The following ST3GAL1 variants were observed in gnomAD, a reference collection of about 807,000 sequenced individuals.
The protein encoded by ST3GAL1 is ST3 beta-galactoside alpha-2,3-sialyltransferase 1.
ST3GAL1 carries 16 observed loss-of-function variants against 34.1 expected under a neutral mutation model. That is an observed-to-expected ratio of 0.47 (90% CI 0.32 to 0.71). The LOEUF (loss-of-function observed/expected upper bound fraction) is 0.71, where lower values mean the gene tolerates loss of function less well. ST3GAL1 is among the 30% of genes least tolerant of loss of function. The pLI, the probability that ST3GAL1 is intolerant of heterozygous loss-of-function variation, is 0.04. For missense variants in ST3GAL1, 353 were observed against 447.4 expected, an observed-to-expected ratio of 0.79 and a Z score of 1.90; for synonymous variants, 191 against 184.7, an observed-to-expected ratio of 1.03 and a Z score of -0.28.
intron 2 of ST3GAL1, among the ~76,000 whole-genome samples, chr8:133,507,914 C>G (rs959639666): frequency 3.3e-5 from 5 of 152,202 alleles, no homozygotes; most frequent in African/African-American, 1.2e-4. Context: ...CCCTCAGCTG[C>G]TGTGACTATT....
intron 3 of ST3GAL1, among the ~76,000 whole-genome samples, chr8:133,486,703 A>AAGCC: frequency 6.6e-6 from 1 of 152,298 alleles, no homozygotes; most frequent in South Asian, 2.1e-4. Flanking sequence ...GTCTCGAATG[A>AAGCC]AGCCAGCCAG....
chr8:133,566,136 G>C (rs1416796470), intron 1 of ST3GAL1, among the ~76,000 whole-genome samples: 1 of 152,186 alleles, frequency 6.6e-6, no homozygotes, highest in Non-Finnish European at 1.5e-5. Flanking sequence ...ACAGTGCTTT[G>C]GGTGGCTTCT....
intron 2 of ST3GAL1, among the ~76,000 whole-genome samples, chr8:133,512,763 A>G (rs2945748): frequency 0.25 from 38,595 of 152,058 alleles, 5,115 homozygotes; most frequent in African/African-American, 0.3. Context: ...CACTCAGAAA[A>G]CCCTTTGCAA....
chr8:133,562,660 T>C (rs1252120424), intron 1 of ST3GAL1, among the ~76,000 whole-genome samples: 1 of 152,162 alleles, frequency 6.6e-6, no homozygotes, highest in Non-Finnish European at 1.5e-5. Flanking sequence ...TTCTTTGCCC[T>C]TGTTAGGGCT....
chr8:133,571,133 T>C lies in ST3GAL1; in HGVS notation c.-582+560A>G, dbSNP rs912826271. Reference sequence around the variant, plus strand: ...CGGATCTGCGCCTGCTTGCAGCGGATTGGGGGACTCGATCCGGATACTGTC... The same window carrying C: ...CGGATCTGCGCCTGCTTGCAGCGGACTGGGGGACTCGATCCGGATACTGTC... On this transcript the variant is annotated intron_variant, in intron 1 of 9. Coordinates refer to ENST00000522652, the MANE Select transcript of ST3GAL1 (RefSeq NM_173344.3). This position sits in a 1 kb window ranked among gnomAD's most constrained non-coding sequence, Gnocchi z 6.7. 3.9e-5 allele frequency among the ~76,000 whole-genome samples: 6 copies of C among 152,168 alleles called. No individual in the cohort carries two copies. Among genetic ancestry groups the C allele is most frequent in the Non-Finnish European group, 7.4e-5 (5 of 68,022 alleles).
At chr8:133,566,531 C>T (rs1819405319) in intron 1 of ST3GAL1, among the ~76,000 whole-genome samples, 1 of 152,126 alleles carries the variant, frequency 6.6e-6, no homozygotes, top group Non-Finnish European at 1.5e-5. Context: ...CCTGCATCCC[C>T]CGCATTGCAG....
chr8:133,481,658 G>C (rs1291206814), intron 3 of ST3GAL1, among the ~76,000 whole-genome samples: 1 of 152,010 alleles, frequency 6.6e-6, no homozygotes, highest in Non-Finnish European at 1.5e-5. Context: ...ACCATGCCTG[G>C]CTAATTTTTG....
In ST3GAL1 at chr8:133,556,959, G is replaced by A. The variant is rs1193387591; in HGVS notation, c.-581-11033C>T. On this transcript the variant is annotated intron_variant, in intron 1 of 9. Transcript: ENST00000522652. The surrounding 1 kb of genome is among the most constrained non-coding windows in gnomAD (Gnocchi z 8.9). ...CGAGCCTTTTATGATGTGCATGCATGTGTTAGAAGGAAACATTGTGACATG... is the reference window on the plus strand; with the variant it reads ...CGAGCCTTTTATGATGTGCATGCATATGTTAGAAGGAAACATTGTGACATG... Among the ~76,000 whole-genome samples, 2 of 152,180 alleles carry A rather than the reference G, an allele frequency of 1.3e-5. No homozygotes were observed. The highest frequency in any genetic ancestry group is 2.9e-5 in the Non-Finnish European group (2 of 68,028).
chr8:133,506,512 C>T (rs541363150), intron 2 of ST3GAL1, among the ~76,000 whole-genome samples: 70 of 152,264 alleles, frequency 4.6e-4, no homozygotes, highest in African/African-American at 1.5e-3. Flanking sequence ...CGGCTGGGCA[C>T]GGTGGCTCAC....
intron 1 of ST3GAL1, among the ~76,000 whole-genome samples, chr8:133,551,528 G>A (rs1238518959): frequency 7.8e-6 from 1 of 128,478 alleles, no homozygotes; most frequent in African/African-American, 3.2e-5. Flanking sequence ...GAAAGAAAGA[G>A]AAAGAAAGAG....
intron 9 of ST3GAL1, among the ~76,000 whole-genome samples, chr8:133,460,139 A>C (rs1020876948): frequency 4.6e-5 from 7 of 152,104 alleles, no homozygotes; most frequent in Admixed American, 4.6e-4. Flanking sequence ...AGTTAAGTAA[A>C]ACTCAAGTCT....
intron 5 of ST3GAL1, among the ~76,000 whole-genome samples, chr8:133,475,492 A>C (rs1167027283): frequency 2.0e-5 from 3 of 152,178 alleles, no homozygotes; most frequent in African/African-American, 7.2e-5. Flanking sequence ...TGGGACAATA[A>C]TCTGAATCCT....
intron 3 of ST3GAL1, among the ~76,000 whole-genome samples, chr8:133,483,271 G>C (rs1053454843): frequency 1.3e-5 from 2 of 152,188 alleles, no homozygotes; most frequent in Non-Finnish European, 2.9e-5. Flanking sequence ...GAACCTGGGA[G>C]GTGGAGGTTG....
chr8:133,510,612 T>A (rs1817475761), intron 2 of ST3GAL1, among the ~76,000 whole-genome samples: 1 of 152,212 alleles, frequency 6.6e-6, no homozygotes, highest in Non-Finnish European at 1.5e-5. Flanking sequence ...ATTGCATTAA[T>A]TAACTAATTA....
chr8:133,544,176 TAG>T (rs1224374629), intron 2 of ST3GAL1: 2 of 151,684 alleles, frequency 1.3e-5, no homozygotes, highest in Non-Finnish European at 2.9e-5. Flanking sequence ...GTAGGCCATC[TAG>T]AGTCTCTTCT....
intron 3 of ST3GAL1, among the ~76,000 whole-genome samples, chr8:133,492,317 C>T (rs1816810381): frequency 6.6e-6 from 1 of 152,150 alleles, no homozygotes; most frequent in South Asian, 2.1e-4. Flanking sequence ...AGCACTGGGT[C>T]CTGTCCCTAA....
chr8:133,497,456 A>ATTTTTT (rs1159737986), intron 3 of ST3GAL1, among the ~76,000 whole-genome samples: 28 of 20,424 alleles, frequency 1.4e-3, no homozygotes, highest in African/African-American at 6.0e-3. Flanking sequence ...TTTTGTTGGA[A>ATTTTTT]TTTTTTTTTT....
chr8:133,463,288 G>T, intron 8 of ST3GAL1, 126 bp downstream of exon 8: 1 of 1,034,842 alleles, frequency 9.7e-7, no homozygotes, highest in East Asian at 2.4e-5. Flanking sequence ...ATAGCTAAGT[G>T]GGAGATGCTA....
At chr8:133,554,418 C>G (rs1452870933) in intron 1 of ST3GAL1, among the ~76,000 whole-genome samples, 1 of 152,152 alleles carries the variant, frequency 6.6e-6, no homozygotes, top group Non-Finnish European at 1.5e-5. Flanking sequence ...AAATCCTACA[C>G]TCGACAGTGG....
Sources: allele counts gnomAD v4.1 joint callset (sites outside exome capture counted in the v4.1 genomes callset), GRCh38; gene constraint gnomAD v4.1.1; non-coding constraint Gnocchi (gnomAD v3.1); transcripts MANE v1.5; gene names NCBI Gene and HGNC (gene_info 2026-07-23, HGNC 2026-07-21).